Variants in PDPR observed in about 807,000 individuals in gnomAD.
The protein encoded by PDPR is pyruvate dehydrogenase phosphatase regulatory subunit, mitochondrial.
A neutral mutation model predicts 102.2 loss-of-function variants in PDPR; 50 were observed. The observed-to-expected ratio is 0.49, with a 90% CI of 0.39 to 0.62. The LOEUF (loss-of-function observed/expected upper bound fraction) is 0.62. PDPR is among the 20% of genes least tolerant of loss of function. The pLI is 0.00. For synonymous variants in PDPR, 259 were observed against 406.0 expected (o/e 0.64, Z 4.35); for missense variants, 625 against 1,098.2 (o/e 0.57, Z 6.09).
intron 3 of PDPR, among the ~76,000 whole-genome samples, chr16:70,125,681 C>T (rs1322257374): frequency 1.4e-4 from 22 of 152,058 alleles, no homozygotes; most frequent in Admixed American, 1.2e-3. Context: ...GTCACCCAGG[C>T]TGTAGTGCAG....
intron 18 of PDPR, among the ~76,000 whole-genome samples, chr16:70,155,856 G>A (rs1234808960): frequency 7.0e-6 from 1 of 143,744 alleles, no homozygotes; most frequent in African/African-American, 2.6e-5. Flanking sequence ...AGGCTGGACT[G>A]CAGTGGTGCA....
rs535934621 is a variant in PDPR at position 70,157,129 on chromosome 16, C to T, written c.*250C>T. 7.7e-5 allele frequency: 52 copies of T among 677,666 alleles called. No homozygotes were observed. Among genetic ancestry groups the T allele is most frequent in the African/African-American group, 2.5e-4 (14 of 56,788 alleles). The allele number at this position is 677,666 out of a possible 1,614,324, so 42.0% of individuals were successfully genotyped here. On this transcript the variant is annotated 3_prime_UTR_variant, in exon 19 of 19. Coordinates refer to ENST00000288050, the MANE Select transcript of PDPR (RefSeq NM_017990.5). Reference sequence around the variant, plus strand: ...CCTTCCCACCCCTCACTCAGCTTCTCGTGGTGGCAGGAGGTATGTCTGACA... The same window carrying T: ...CCTTCCCACCCCTCACTCAGCTTCTTGTGGTGGCAGGAGGTATGTCTGACA...
Position 70,156,924 on chromosome 16 carries a change from A to T in PDPR, c.*45A>T. The T allele has an allele frequency of 6.3e-7, 1 of 1,596,940 alleles. No homozygotes were observed. Among genetic ancestry groups the T allele is most frequent in the Admixed American group, 1.8e-5 (1 of 56,850 alleles). The stretch of plus-strand genomic sequence containing the variant: ...CCTCCTCCCCATCATCTTGTCCTAG[A>T]GTGGGCGTCACCTTGGAGCTTCTCT... On this transcript the variant is annotated 3_prime_UTR_variant, in exon 19 of 19. Transcript: ENST00000288050.
At chr16:70,148,100 T>G (rs1354255995) in intron 16 of PDPR, among the ~76,000 whole-genome samples, 2 of 151,784 alleles carry the variant, frequency 1.3e-5, no homozygotes, top group African/African-American at 4.9e-5. Flanking sequence ...GTTTGTCTGC[T>G]GATTCCCCCA....
Position 70,120,662 on chromosome 16 carries a change from T to C in PDPR, c.170T>C (p.Val57Ala). ...GGAGGTGGAATCACGGGCACTTCTG[T>C]GGCCTATCACCTCTCCAAAATGGGG... ...ICGGGITGTS[V>A]AYHLSKMGWK... The change falls in exon 3 of 19, where the codon GTG becomes GCG. Residue 57 changes from valine to alanine, a missense_variant. Around this residue, in one of 11 missense-constraint regions of PDPR, gnomAD observed 84 missense variants for 87.7 expected, o/e 0.96. Transcript: ENST00000288050. 6.2e-7 allele frequency: 1 copy of C among 1,613,860 alleles called. No individual in the cohort carries two copies. Among genetic ancestry groups the C allele is most frequent in the Non-Finnish European group, 8.5e-7 (1 of 1,179,806 alleles).
At chr16:70,130,646 C>T in intron 7 of PDPR, 102 bp downstream of exon 7, 1 of 1,441,778 alleles carries the variant, frequency 6.9e-7, no homozygotes. Flanking sequence ...ATACAGATAT[C>T]AGTAACTACG....
chr16:70,157,703 C>G lies in PDPR; in HGVS notation c.*824C>G, dbSNP rs1233573424. 6.2e-6 allele frequency: 1 copy of G among 160,304 alleles called. No individual in the cohort carries two copies. The highest frequency in any genetic ancestry group is 1.4e-5 in the Non-Finnish European group (1 of 72,850). The allele number at this position is 160,304 out of a possible 1,614,324, so 9.9% of individuals were successfully genotyped here. A position where few individuals can be genotyped will look rare whatever the true frequency, so the allele number is the denominator to read the frequency against. ...GCTTTTCCCAGTCAAAAGGGTCTGA[C>G]CTTAGAAAGTCCCCACCAGTGATGC... On this transcript the variant is annotated 3_prime_UTR_variant, in exon 19 of 19. Transcript: ENST00000288050.
chr16:70,132,756 T>C (rs1347090966), intron 9 of PDPR, among the ~76,000 whole-genome samples: 12 of 152,196 alleles, frequency 7.9e-5, no homozygotes, highest in Non-Finnish European at 1.8e-4. Context: ...CCCAAAGTGC[T>C]AAGATTACAG....
chr16:70,145,641 G>T (rs750367178), intron 15 of PDPR: 1 of 450,450 alleles, frequency 2.2e-6, no homozygotes, highest in African/African-American at 2.0e-5. Flanking sequence ...ACTACAGAAT[G>T]TTACTGAACA....
At chr16:70,153,899 G>T (rs1966862627) in intron 18 of PDPR, among the ~76,000 whole-genome samples, 1 of 152,204 alleles carries the variant, frequency 6.6e-6, no homozygotes, top group Non-Finnish European at 1.5e-5. Context: ...CAAAAAGTAG[G>T]CCGGGCACGG....
At chr16:70,162,732 C>T (rs1049171913), downstream of PDPR, among the ~76,000 whole-genome samples, 1 of 152,396 alleles carries the variant, frequency 6.6e-6, no homozygotes, top group East Asian at 1.9e-4. Context: ...GGGGTAAAAG[C>T]TTCCCGCCTC....
chr16:70,115,192 C>T (rs183715130), intron 2 of PDPR, among the ~76,000 whole-genome samples: 39 of 152,094 alleles, frequency 2.6e-4, no homozygotes, highest in Admixed American at 2.5e-3. Flanking sequence ...GGCGCGATCT[C>T]GGCTCACTGC....
intron 9 of PDPR, 101 bp from the exon 10 acceptor site, chr16:70,136,093 G>A (rs535800769): frequency 5.6e-5 from 52 of 933,264 alleles, no homozygotes; most frequent in Non-Finnish European, 7.8e-5. Flanking sequence ...AAAAAATCAA[G>A]AGGTTTTCTG....
At position 70,156,530 on chromosome 16, in the gene PDPR, A is replaced by G. The variant is rs1260489712; in HGVS notation, c.2291A>G (p.Tyr764Cys). The change falls in exon 19 of 19, where the codon TAT becomes TGT. Residue 764 changes from tyrosine to cysteine, a missense_variant. Coordinates refer to ENST00000288050, the MANE Select transcript of PDPR (RefSeq NM_017990.5). ...ALLQQKQNGV[Y>C]KRLTMFILDD... is the part of the protein sequence containing the mutation. ...CTGCAGCAGAAGCAGAATGGAGTGTATAAACGCCTCACCATGTTCATCCTG... is the reference window on the plus strand; with the variant it reads ...CTGCAGCAGAAGCAGAATGGAGTGTGTAAACGCCTCACCATGTTCATCCTG... 6.2e-7 allele frequency: 1 copy of G among 1,614,072 alleles called. No homozygotes were observed. Among genetic ancestry groups the G allele is most frequent in the Middle Eastern group, 1.7e-4 (1 of 6,060 alleles).
intron 3 of PDPR, among the ~76,000 whole-genome samples, chr16:70,121,306 T>C (rs1407808602): frequency 6.6e-6 from 1 of 151,952 alleles, no homozygotes; most frequent in Non-Finnish European, 1.5e-5. Context: ...TCCCTTTATA[T>C]TAATTTGTAA....
intron 17 of PDPR, among the ~76,000 whole-genome samples, chr16:70,152,648 G>A (rs58502072): frequency 0.056 from 8,470 of 150,074 alleles, 98 homozygotes; most frequent in South Asian, 0.13. Flanking sequence ...ACTGAAGCTG[G>A]TTCTTTGCTA....
chr16:70,162,996 G>A (rs1348087980), downstream of PDPR, among the ~76,000 whole-genome samples: 2 of 152,282 alleles, frequency 1.3e-5, no homozygotes, highest in African/African-American at 4.8e-5. Flanking sequence ...TTTTGCCCAG[G>A]CTGGAGTACA....
intron 2 of PDPR, among the ~76,000 whole-genome samples, chr16:70,116,549 A>T (rs1014008886): frequency 6.8e-6 from 1 of 148,106 alleles, no homozygotes; most frequent in African/African-American, 2.5e-5. Flanking sequence ...TACAAAAAAA[A>T]AAAAAAAATT....
intron 15 of PDPR, among the ~76,000 whole-genome samples, chr16:70,145,323 A>G (rs1016128105): frequency 2.4e-4 from 37 of 152,018 alleles, no homozygotes; most frequent in African/African-American, 8.9e-4. Context: ...TTTTTAGTAG[A>G]GATGGGGTTT....
Sources: gnomAD v4.1 joint callset for allele counts (sites outside exome capture counted in the v4.1 genomes callset) on GRCh38, gnomAD v4.1.1 for gene constraint, gnomAD v4.1.1 regional missense constraint, MANE v1.5 for transcripts, NCBI Gene and HGNC (gene_info 2026-07-23, HGNC 2026-07-21) for gene names.